Variants in MANSC1 observed in about 807,000 individuals in gnomAD.
The protein encoded by MANSC1 is MANSC domain-containing protein 1.
MANSC1 carries 13 observed loss-of-function variants against 14.1 expected under a neutral mutation model. The ratio of observed to expected loss-of-function variants is 0.92; its 90% confidence interval spans 0.60 to 1.46. The LOEUF is 1.46. Among genes scored for constraint, MANSC1 ranks in the 40% most tolerant of loss-of-function variants. The probability of loss-of-function intolerance (pLI) is 0.00; values close to 1 mark genes in which losing one functional copy is unlikely to be tolerated. For missense variants in MANSC1, 486 were observed against 511.4 expected, an observed-to-expected ratio of 0.95 and a Z score of 0.48; for synonymous variants, 227 against 200.7, an observed-to-expected ratio of 1.13 and a Z score of -1.11.
Position 12,330,194 on chromosome 12 carries a change from A to C in MANSC1, c.1129T>G (p.Tyr377Asp), listed in dbSNP as rs1348492629. Residue 377 changes from tyrosine (Y) to aspartate (D), a missense_variant, in exon 4 of 4, where the codon TAC becomes GAC. By Grantham distance (160) the Tyr-to-Asp change is radical (BLOSUM62 -3). Transcript: ENST00000535902. ...AGCCATTTTTCAAATGGAAGGCCGTACTGATTTTCTGGAACACTGCCCTGG... is the reference window on the plus strand; with the variant it reads ...AGCCATTTTTCAAATGGAAGGCCGTCCTGATTTTCTGGAACACTGCCCTGG... ...SSQGSVPENQ[Y>D]GLPFEKWLLI... is the part of the protein sequence containing the mutation. 6.2e-7 allele frequency: 1 copy of C among 1,614,226 alleles called. No homozygotes were observed. Among genetic ancestry groups the C allele is most frequent in the South Asian group, 1.1e-5 (1 of 91,090 alleles).
rs1327245924 is a variant in MANSC1, at chr12:12,326,608, T to G, written c.*3419A>C. 1 of 136,722 alleles carries G rather than the reference T, an allele frequency of 7.3e-6. No individual in the cohort carries two copies. Among genetic ancestry groups the G allele is most frequent in the Non-Finnish European group, 1.6e-5 (1 of 62,992 alleles). The allele number at this position is 136,722 out of a possible 1,614,324, so 8.5% of individuals were successfully genotyped here. On this transcript the variant is annotated 3_prime_UTR_variant, in exon 4 of 4. Coordinates refer to ENST00000535902, the MANE Select transcript of MANSC1 (RefSeq NM_018050.4). ...GGTTTTTTAAGAGTTTTTTAGTTTT[T>G]TTTTTGTTGTTGTTGTTTTGTTTTT...
In MANSC1 at chr12:12,328,783, T is replaced by A. The variant is rs563211779; in HGVS notation, c.*1244A>T. 6.6e-6 allele frequency: 1 copy of A among 150,866 alleles called. No individual in the cohort carries two copies. The highest frequency in any genetic ancestry group is 2.1e-4 in the South Asian group (1 of 4,752). 9.3% of individuals were successfully genotyped at this position (150,866 alleles called of 1,614,324 possible). On this transcript the variant is annotated 3_prime_UTR_variant, in exon 4 of 4. Transcript: ENST00000535902. Reference sequence around the variant, plus strand: ...GCGGGCGGATCACAAGGTCAGGAGATCGAGACCATCCTGACTAACACAGTG... The same window carrying A: ...GCGGGCGGATCACAAGGTCAGGAGAACGAGACCATCCTGACTAACACAGTG...
At chr12:12,335,175 C>T (rs779735072) in intron 3 of MANSC1, among the ~76,000 whole-genome samples, 29 of 152,166 alleles carry the variant, frequency 1.9e-4, no homozygotes, top group Non-Finnish European at 4.1e-4. Context: ...AACTCTACTT[C>T]GGAATAGCCC....
intron 3 of MANSC1, among the ~76,000 whole-genome samples, chr12:12,334,927 C>T (rs1038239483): frequency 3.2e-4 from 48 of 152,144 alleles, no homozygotes; most frequent in Non-Finnish European, 5.3e-4. Flanking sequence ...AGTGTCAACA[C>T]GCAGGCACCC....
At chr12:12,331,158 A>G (rs1862784880) in intron 3 of MANSC1, among the ~76,000 whole-genome samples, 200 bp from the exon 4 acceptor site, 1 of 152,240 alleles carries the variant, frequency 6.6e-6, no homozygotes, top group Non-Finnish European at 1.5e-5. Flanking sequence ...CCTGGACAAC[A>G]TAGGGAGATC....
At chr12:12,345,320 CA>C (rs35001300) in intron 1 of MANSC1, among the ~76,000 whole-genome samples, 1,390 of 93,074 alleles carry the variant, frequency 0.015, 18 homozygotes, top group African/African-American at 0.043. Flanking sequence ...AACTCCGTCT[CA>C]AAAAAAAAAA....
At chr12:12,338,825 C>T in intron 2 of MANSC1, 1 of 479,496 alleles carries the variant, frequency 2.1e-6, no homozygotes, top group East Asian at 4.3e-5. Flanking sequence ...AAAGTCAAAG[C>T]CAAAGCAAAG....
In MANSC1 at chr12:12,330,458, G is replaced by A. The variant is rs140360133; in HGVS notation, c.865C>T (p.Arg289Trp). Residue 289 changes from arginine to tryptophan, a missense_variant, in exon 4 of 4, where the codon CGG (arginine) becomes TGG (tryptophan). Transcript: ENST00000535902. ...PTTLISTVFT[R>W]AAATLQAMAT... ...ATTGCTTGGAGTGTAGCCGCAGCCC[G>A]TGTAAAAACTGTAGAAATGAGGGTC... 7.8e-5 allele frequency: 126 copies of A among 1,614,214 alleles called. No homozygotes were observed. In the African/African-American group the frequency reaches 1.0e-3, roughly 13 times the overall value.
chr12:12,347,361 C>T (rs200072552), intron 1 of MANSC1, among the ~76,000 whole-genome samples: 6 of 152,132 alleles, frequency 3.9e-5, no homozygotes, highest in East Asian at 3.9e-4. Context: ...TGAGAATCTA[C>T]GGCCACCACT....
chr12:12,342,062 G>A (rs971136468), intron 2 of MANSC1, among the ~76,000 whole-genome samples: 6 of 152,230 alleles, frequency 3.9e-5, no homozygotes, highest in Non-Finnish European at 8.8e-5. Flanking sequence ...TCCCACCTCA[G>A]CCTCCCAATA....
intron 1 of MANSC1, among the ~76,000 whole-genome samples, chr12:12,344,293 T>C (rs1296208446): frequency 6.6e-6 from 1 of 152,130 alleles, no homozygotes; most frequent in Non-Finnish European, 1.5e-5. Flanking sequence ...TACAAAGTAT[T>C]GATTCCGGGT....
intron 1 of MANSC1, among the ~76,000 whole-genome samples, chr12:12,347,571 G>A (rs1460940601): frequency 6.6e-6 from 1 of 152,200 alleles, no homozygotes; most frequent in Admixed American, 6.5e-5. Flanking sequence ...AATAAGAAAA[G>A]AAACTCAATG....
intron 3 of MANSC1, 113 bp downstream of exon 3, chr12:12,338,307 T>C (rs1359472892): frequency 4.6e-6 from 4 of 864,728 alleles, no homozygotes; most frequent in African/African-American, 3.5e-5. Flanking sequence ...GATTTTCTGA[T>C]ATGTCTGGTA....
chr12:12,339,913 A>G (rs1300006050), intron 2 of MANSC1, among the ~76,000 whole-genome samples: 1 of 152,076 alleles, frequency 6.6e-6, no homozygotes, highest in Non-Finnish European at 1.5e-5. Context: ...CCTGGGCTCA[A>G]ACAATCCTCC....
chr12:12,338,890 AACACACACACACACACACAC>A, intron 2 of MANSC1: 1 of 191,870 alleles, frequency 5.2e-6, no homozygotes. Flanking sequence ...CACACACACA[AACACACACACACACACACAC>A]ACACACACCC....
chr12:12,340,293 C>T (rs1021576710), intron 2 of MANSC1, among the ~76,000 whole-genome samples: 4 of 152,138 alleles, frequency 2.6e-5, no homozygotes, highest in Admixed American at 6.6e-5. Context: ...TACGCTCTGT[C>T]GACCATCACC....
At chr12:12,342,039 G>T (rs914709886) in intron 2 of MANSC1, among the ~76,000 whole-genome samples, 27 of 152,190 alleles carry the variant, frequency 1.8e-4, no homozygotes, top group African/African-American at 6.0e-4. Context: ...AACCCCCTAG[G>T]ATCAAGTGAT....
chr12:12,333,030 G>T lies in MANSC1; in HGVS notation c.365-2072C>A, dbSNP rs551216493. On this transcript the variant is annotated intron_variant, in intron 3 of 3. Coordinates refer to ENST00000535902, the MANE Select transcript of MANSC1 (RefSeq NM_018050.4). ...CTCTAAAGTAGAATTTGGGTCAAAT[G>T]AAATATATTTGAAAATATATATATA... is the stretch of plus-strand genomic sequence containing the variant. 4.8e-5 allele frequency among the ~76,000 whole-genome samples: 7 copies of T among 145,414 alleles called. No homozygotes were observed. In the East Asian group the frequency reaches 1.4e-3, roughly 30 times the overall value.
chr12:12,338,196 T>C (rs1320053327), intron 3 of MANSC1, among the ~76,000 whole-genome samples: 5 of 152,234 alleles, frequency 3.3e-5, no homozygotes, highest in Non-Finnish European at 7.3e-5. Context: ...GTGTGTCTTT[T>C]ATCTCATGAA....
Sources: gnomAD v4.1 joint callset for allele counts (sites outside exome capture counted in the v4.1 genomes callset) on GRCh38, gnomAD v4.1.1 for gene constraint, MANE v1.5 for transcripts, NCBI Gene and HGNC (gene_info 2026-07-23, HGNC 2026-07-21) for gene names.